Variants in FZD6 observed in about 807,000 individuals in gnomAD.
The protein encoded by FZD6 is frizzled class receptor 6.
Under a neutral mutation model 61.4 loss-of-function variants are expected in FZD6, and 49 were observed. The ratio of observed to expected loss-of-function variants is 0.80; its 90% CI spans 0.63 to 1.01. The LOEUF is 1.01. Ranked by LOEUF, FZD6 falls within the 50% of genes least tolerant of loss-of-function variation. FZD6 has a pLI of 0.00. For missense variants in FZD6, 724 were observed against 848.2 expected (o/e 0.85, Z 1.82); for synonymous variants, 265 against 292.2 (o/e 0.91, Z 0.95).
intron 3 of FZD6, among the ~76,000 whole-genome samples, chr8:103,322,733 G>A (rs912572958): frequency 1.3e-5 from 2 of 152,136 alleles, no homozygotes; most frequent in African/African-American, 4.8e-5. Flanking sequence ...AACCTATGTG[G>A]AACTTACACA....
chr8:103,324,956 G>A lies in FZD6; in HGVS notation c.850G>A (p.Val284Ile), dbSNP rs141253426. ...VLGSQNKACT[V>I]LFMLLYFFTM... is the part of the protein sequence containing the mutation. The stretch of plus-strand genomic sequence containing the variant: ...AGGCTCTCAAAATAAGGCTTGCACC[G>A]TTTTGTTCATGCTTTTGTATTTTTT... Residue 284 changes from valine (V) to isoleucine (I), a missense_variant, in exon 4 of 7, where the codon GTT (valine) becomes ATT (isoleucine). Transcript: ENST00000358755. The A allele has an allele frequency of 6.6e-5, 107 of 1,614,084 alleles. No homozygotes were observed. The highest frequency in any genetic ancestry group is 1.6e-4 in the Middle Eastern group (1 of 6,062).
Position 103,325,430 on chromosome 8 carries a change from A to G in FZD6, c.1324A>G (p.Arg442Gly), listed in dbSNP as rs753974488. ...ATGTTACGTCTATGAGCAAGTGAAC[A>G]GGATTACCTGGGAGATAACTTGGGT... is the stretch of plus-strand genomic sequence containing the variant. ...LGCYVYEQVN[R>G]ITWEITWVSD... The change falls in exon 4 of 7, where the codon AGG becomes GGG. Residue 442 changes from arginine to glycine, a missense_variant. Physicochemically the swap from Arg to Gly is moderately radical, Grantham distance 125. Coordinates refer to ENST00000358755, the MANE Select transcript of FZD6 (RefSeq NM_003506.4). The G allele has an allele frequency of 1.2e-6, 2 of 1,613,652 alleles. No homozygotes were observed. Among genetic ancestry groups the G allele is most frequent in the African/African-American group, 2.7e-5 (2 of 74,926 alleles).
At chr8:103,300,389 G>C in intron 2 of FZD6, 105 bp downstream of exon 2, 2 of 885,712 alleles carry the variant, frequency 2.3e-6, no homozygotes, top group South Asian at 2.7e-5. Context: ...TCTTCAAGTT[G>C]TGTACAAGTT....
In FZD6 at chr8:103,328,269, C is replaced by G. The variant is rs1286940633; in HGVS notation, c.1394C>G (p.Ala465Gly). The G allele has an allele frequency of 1.9e-6, 3 of 1,608,210 alleles. No homozygotes were observed. Among genetic ancestry groups the G allele is most frequent in the Non-Finnish European group, 1.7e-6 (2 of 1,174,934 alleles). ...ATTATTATTCACTATTTTTTGTAGG[C>G]AAAAGCAAAAGCTCGACCAGAATTG... ...RQYHIPCPYQ[A>G]KAKARPELAL... is the part of the protein sequence containing the mutation. Residue 465 changes from alanine (A) to glycine (G), a missense_variant and splice_region_variant, in exon 5 of 7, where the codon GCA becomes GGA. Coordinates refer to ENST00000358755, the MANE Select transcript of FZD6 (RefSeq NM_003506.4).
intron 2 of FZD6, among the ~76,000 whole-genome samples, chr8:103,309,769 T>C (rs1440620651): frequency 3.9e-5 from 6 of 152,334 alleles, no homozygotes; most frequent in African/African-American, 1.4e-4. Context: ...GCCCAGTCTC[T>C]CTGAAGCTAG....
At chr8:103,319,076 T>C (rs1270927833) in intron 3 of FZD6, among the ~76,000 whole-genome samples, 3 of 152,072 alleles carry the variant, frequency 2.0e-5, no homozygotes, top group African/African-American at 7.2e-5. Flanking sequence ...AAAGGAAAGG[T>C]AGATAATTCT....
At chr8:103,303,034 A>G (rs1189666133) in intron 2 of FZD6, among the ~76,000 whole-genome samples, 1 of 152,188 alleles carries the variant, frequency 6.6e-6, no homozygotes, top group South Asian at 2.1e-4. Context: ...TGGTGCCACA[A>G]TGATTTTATT....
chr8:103,325,648 G>A, intron 4 of FZD6, 150 bp downstream of exon 4: 1 of 701,264 alleles, frequency 1.4e-6, no homozygotes, highest in South Asian at 1.6e-5. Context: ...AACTGAAACT[G>A]GGATGAATGT....
chr8:103,315,086 G>GT (rs1160131003), intron 2 of FZD6, among the ~76,000 whole-genome samples: 3 of 151,988 alleles, frequency 2.0e-5, no homozygotes, highest in African/African-American at 7.2e-5. Flanking sequence ...TTATGGATTT[G>GT]TTTTTTACCT....
intron 3 of FZD6, among the ~76,000 whole-genome samples, chr8:103,319,053 T>C (rs1785990963): frequency 1.3e-5 from 2 of 152,132 alleles, no homozygotes; most frequent in Non-Finnish European, 2.9e-5. Flanking sequence ...ATTATGACTG[T>C]GATAGATACA....
At chr8:103,319,208 G>A (rs984512571) in intron 3 of FZD6, among the ~76,000 whole-genome samples, 1 of 152,130 alleles carries the variant, frequency 6.6e-6, no homozygotes, top group Non-Finnish European at 1.5e-5. Flanking sequence ...GGAGGGAAGA[G>A]CATTTCGGGC....
intron 2 of FZD6, among the ~76,000 whole-genome samples, chr8:103,306,564 C>T (rs570792404): frequency 5.8e-4 from 77 of 133,598 alleles, no homozygotes; most frequent in Middle Eastern, 0.01. Flanking sequence ...AGTGCAGTGG[C>T]GCCATCTCGC....
chr8:103,324,905 C>G lies in FZD6; in HGVS notation c.799C>G (p.Leu267Val). The G allele has an allele frequency of 6.2e-7, 1 of 1,614,020 alleles. No homozygotes were observed. Among genetic ancestry groups the G allele is most frequent in the African/African-American group, 1.3e-5 (1 of 75,050 alleles). The change falls in exon 4 of 7, where the codon CTA becomes GTA. Residue 267 changes from leucine (L) to valine (V), a missense_variant. Coordinates refer to ENST00000358755, the MANE Select transcript of FZD6 (RefSeq NM_003506.4). ...AGCCTGCAATAAGGCAGATGAGAAGCTAGAACTTGGTGACACTGTTGTCCT... is the reference window on the plus strand; with the variant it reads ...AGCCTGCAATAAGGCAGATGAGAAGGTAGAACTTGGTGACACTGTTGTCCT... Reference protein sequence around the residue: ...STACNKADEKLELGDTVVLGS... With the variant: ...STACNKADEKVELGDTVVLGS...
At chr8:103,310,465 A>G (rs988222561) in intron 2 of FZD6, among the ~76,000 whole-genome samples, 8 of 151,994 alleles carry the variant, frequency 5.3e-5, no homozygotes, top group Middle Eastern at 3.4e-3. Flanking sequence ...GGGTCTTGCT[A>G]TGTTGCCCCG....
chr8:103,311,278 T>C (rs1814489335), intron 2 of FZD6, among the ~76,000 whole-genome samples: 1 of 152,108 alleles, frequency 6.6e-6, no homozygotes, highest in African/African-American at 2.4e-5. Flanking sequence ...CATAACCCTC[T>C]CCCCAGGAAT....
At chr8:103,311,800 T>G (rs1481361182) in intron 2 of FZD6, among the ~76,000 whole-genome samples, 1 of 151,928 alleles carries the variant, frequency 6.6e-6, no homozygotes, top group Non-Finnish European at 1.5e-5. Flanking sequence ...ACCCTCTTCA[T>G]AAACTTTTGA....
At chr8:103,322,547 T>G (rs896068237) in intron 3 of FZD6, among the ~76,000 whole-genome samples, 2 of 152,228 alleles carry the variant, frequency 1.3e-5, no homozygotes, top group Admixed American at 1.3e-4. Context: ...AACTTATGAA[T>G]GAATGTATCC....
At chr8:103,306,710 T>A (rs1489717764) in intron 2 of FZD6, among the ~76,000 whole-genome samples, 1 of 151,952 alleles carries the variant, frequency 6.6e-6, no homozygotes, top group Non-Finnish European at 1.5e-5. Context: ...TTTAACCATG[T>A]TAGCCAGGAT....
intron 2 of FZD6, among the ~76,000 whole-genome samples, chr8:103,302,226 T>G (rs1814192519): frequency 6.6e-6 from 1 of 152,168 alleles, no homozygotes; most frequent in Non-Finnish European, 1.5e-5. Context: ...TGTATACTAT[T>G]GTGTTTTTCC....
Sources: gnomAD v4.1 joint callset for allele counts (sites outside exome capture counted in the v4.1 genomes callset) on GRCh38, gnomAD v4.1.1 for gene constraint, MANE v1.5 for transcripts, NCBI Gene and HGNC (gene_info 2026-07-23, HGNC 2026-07-21) for gene names.